EPB41L5: variants seen among roughly 807,000 people sequenced by gnomAD.
EPB41L5 encodes erythrocyte membrane protein band 4.1 like 5, also known as band 4.1-like protein 5.
Under a neutral mutation model 106.6 loss-of-function variants are expected in EPB41L5, and 55 were observed. The observed-to-expected ratio is 0.52, with a 90% CI of 0.42 to 0.65. The LOEUF (loss-of-function observed/expected upper bound fraction) is 0.65. EPB41L5 is among the 30% of genes least tolerant of loss of function. EPB41L5 has a pLI of 0.00. For synonymous variants in EPB41L5, 297 were observed against 306.7 expected (o/e 0.97, Z 0.33); for missense variants, 871 against 882.1 (o/e 0.99, Z 0.16).
chr2:120,025,709 A>G (rs753456413), intron 2 of EPB41L5, among the ~76,000 whole-genome samples: 1 of 152,212 alleles, frequency 6.6e-6, no homozygotes, highest in Non-Finnish European at 1.5e-5. Flanking sequence ...ATGGCAGTAC[A>G]CCTCAAATTG....
At chr2:120,050,606 T>C (rs1680171969) in intron 3 of EPB41L5, among the ~76,000 whole-genome samples, 1 of 152,240 alleles carries the variant, frequency 6.6e-6, no homozygotes, top group South Asian at 2.1e-4. Context: ...GGTTCGAACA[T>C]CCTCCTTTAG....
chr2:120,112,439 TAGTC>T (rs1684766026), intron 16 of EPB41L5, among the ~76,000 whole-genome samples: 1 of 152,202 alleles, frequency 6.6e-6, no homozygotes, highest in Non-Finnish European at 1.5e-5. Context: ...GATGCAGAAA[TAGTC>T]AAAATACTGT....
intron 2 of EPB41L5, among the ~76,000 whole-genome samples, chr2:120,026,627 C>T (rs1678337001): frequency 6.6e-6 from 1 of 152,080 alleles, no homozygotes; most frequent in African/African-American, 2.4e-5. Context: ...CCTTGGACTC[C>T]CAAATTGTTG....
intron 3 of EPB41L5, among the ~76,000 whole-genome samples, chr2:120,066,659 A>G (rs541815799): frequency 5.3e-5 from 8 of 152,294 alleles, no homozygotes; most frequent in African/African-American, 1.4e-4. Context: ...TCTACTGTCT[A>G]GTCAGATTGC....
chr2:120,054,444 A>G (rs562872204), intron 3 of EPB41L5, among the ~76,000 whole-genome samples: 2 of 151,556 alleles, frequency 1.3e-5, no homozygotes, highest in Non-Finnish European at 2.9e-5. Context: ...TGTTATATCT[A>G]TCAAACGATT....
At chr2:120,076,192 AT>A (rs1248617498) in intron 7 of EPB41L5, among the ~76,000 whole-genome samples, 1 of 151,824 alleles carries the variant, frequency 6.6e-6, no homozygotes, top group Non-Finnish European at 1.5e-5. Flanking sequence ...TCTCCCCCCG[AT>A]TTTTTTTAGT....
Position 120,167,889 on chromosome 2 carries a change from A to G in EPB41L5, c.2017A>G (p.Met673Val), listed in dbSNP as rs1478071914. The G allele has an allele frequency of 8.1e-6, 13 of 1,614,144 alleles. No homozygotes were observed. The highest frequency in any genetic ancestry group is 1.1e-5 in the Non-Finnish European group (13 of 1,180,006). Residue 673 changes from methionine (M) to valine (V), a missense_variant, in exon 24 of 25, where the codon ATG becomes GTG. Met to Val is a conservative substitution (Grantham distance 21, BLOSUM62 1). Coordinates refer to ENST00000263713, the MANE Select transcript of EPB41L5 (RefSeq NM_020909.4). ...PRWIVPQSGA[M>V]SNGLAGCEML... ...GTATCTCCCACAGCAGAGTGGTGCC[A>G]TGTCTAATGGACTTGCGGGATGTGA...
At chr2:120,115,637 G>A (rs1240455766) in intron 16 of EPB41L5, among the ~76,000 whole-genome samples, 3 of 152,058 alleles carry the variant, frequency 2.0e-5, no homozygotes, top group East Asian at 1.9e-4. Flanking sequence ...TGATCCGCCT[G>A]CCTCGGCCTC....
rs191532291 is a variant in EPB41L5 at position 120,148,410 on chromosome 2, A to G, written c.1793+2121A>G. 4.8e-4 allele frequency among the ~76,000 whole-genome samples: 72 copies of G among 151,102 alleles called. 1 individual carries two copies. The East Asian group carries it at 0.012, about 26-fold the overall frequency. ...TCTCATATATACTCATCCTCATTCTACCTTACCTAAGGTCTTCATACTCAC... is the reference window on the plus strand; with the variant it reads ...TCTCATATATACTCATCCTCATTCTGCCTTACCTAAGGTCTTCATACTCAC... On this transcript the variant is annotated intron_variant, in intron 20 of 24. Coordinates refer to ENST00000263713, the MANE Select transcript of EPB41L5 (RefSeq NM_020909.4).
intron 3 of EPB41L5, among the ~76,000 whole-genome samples, chr2:120,043,312 G>A (rs539569674): frequency 6.6e-5 from 10 of 152,000 alleles, no homozygotes; most frequent in Middle Eastern, 3.4e-3. Context: ...AGACTGAACC[G>A]GGAGGATTAC....
At chr2:120,031,883 C>A (rs539907441) in intron 2 of EPB41L5, among the ~76,000 whole-genome samples, 2 of 152,238 alleles carry the variant, frequency 1.3e-5, no homozygotes, top group East Asian at 3.9e-4. Context: ...CATCTGTTAT[C>A]CCAGCACCTT....
At chr2:120,110,210 A>G (rs747298359) in intron 16 of EPB41L5, among the ~76,000 whole-genome samples, 14 of 152,264 alleles carry the variant, frequency 9.2e-5, no homozygotes, top group African/African-American at 3.4e-4. Flanking sequence ...ACTTCACGAA[A>G]TTGTCATCAC....
chr2:120,055,041 C>A (rs953329688), intron 3 of EPB41L5, among the ~76,000 whole-genome samples: 9 of 151,668 alleles, frequency 5.9e-5, no homozygotes, highest in Admixed American at 5.3e-4. Context: ...TAATTTTGCA[C>A]CTTTAGCAGA....
chr2:120,080,245 C>G (rs947563369), intron 10 of EPB41L5, among the ~76,000 whole-genome samples: 1 of 151,946 alleles, frequency 6.6e-6, no homozygotes, highest in Non-Finnish European at 1.5e-5. Context: ...TCTCCTAATG[C>G]TATCCCTCCC....
At chr2:120,015,356 G>A (rs901137249) in intron 1 of EPB41L5, among the ~76,000 whole-genome samples, 1 of 151,550 alleles carries the variant, frequency 6.6e-6, no homozygotes, top group African/African-American at 2.4e-5. Context: ...GTCTTGCTGT[G>A]TTGCCCAGGC....
At chr2:120,019,823 C>A (rs1478715163) in intron 2 of EPB41L5, among the ~76,000 whole-genome samples, 3 of 152,108 alleles carry the variant, frequency 2.0e-5, no homozygotes, top group African/African-American at 7.2e-5. Context: ...TCTCTTTGCT[C>A]CTGAAGTATT....
intron 14 of EPB41L5, among the ~76,000 whole-genome samples, chr2:120,094,428 A>C (rs2105376300): frequency 6.6e-6 from 1 of 150,586 alleles, no homozygotes; most frequent in East Asian, 1.9e-4. Flanking sequence ...GTTCCATAGT[A>C]ATATCTCCTC....
intron 10 of EPB41L5, among the ~76,000 whole-genome samples, chr2:120,082,141 A>T (rs542352927): frequency 2.6e-4 from 40 of 152,264 alleles, no homozygotes; most frequent in Middle Eastern, 6.8e-3. Context: ...AACTTCCAAC[A>T]CTATGTTGAA....
rs562240682 is a variant in EPB41L5, at chr2:120,056,979, C to T, written c.285+14869C>T. Among the ~76,000 whole-genome samples, 195 of 152,288 alleles carry T rather than the reference C, an allele frequency of 1.3e-3. 1 individual carries two copies. Among genetic ancestry groups the T allele is most frequent in the Non-Finnish European group, 2.0e-3 (137 of 68,022 alleles). ...TGACGCCATCACAGCTCACTGCGGC[C>T]TCAACCTCCCAGGCTCAAGGGATCC... On this transcript the variant is annotated intron_variant, in intron 3 of 24. Coordinates refer to ENST00000263713, the MANE Select transcript of EPB41L5 (RefSeq NM_020909.4).
Sources: allele counts gnomAD v4.1 joint callset (sites outside exome capture counted in the v4.1 genomes callset), GRCh38; gene constraint gnomAD v4.1.1; transcripts MANE v1.5; gene names NCBI Gene and HGNC (gene_info 2026-07-23, HGNC 2026-07-21).